The following TSNARE1 variants were observed in gnomAD, a reference collection of about 807,000 sequenced individuals.
The protein encoded by TSNARE1 is t-SNARE domain containing 1, also known as t-SNARE domain-containing protein 1.
Under a neutral mutation model 62.0 loss-of-function variants are expected in TSNARE1, and 49 were observed. The observed-to-expected ratio is 0.79, with a 90% CI of 0.63 to 1.00. The LOEUF is 1.00. Ranked by LOEUF, TSNARE1 falls within the 50% of genes least tolerant of loss-of-function variation. TSNARE1 has a pLI of 0.00. For missense variants in TSNARE1, 755 were observed against 700.1 expected (o/e 1.08, Z -0.88); for synonymous variants, 328 against 294.4 (o/e 1.11, Z -1.17).
chr8:142,272,558 T>G (rs1452006576), intron 12 of TSNARE1: 2 of 497,466 alleles, frequency 4.0e-6, no homozygotes, highest in African/African-American at 1.8e-4. Context: ...TACACCTTCC[T>G]TCCATCCACC....
chr8:142,329,222 G>T (rs996500501), intron 6 of TSNARE1, among the ~76,000 whole-genome samples: 6 of 152,224 alleles, frequency 3.9e-5, no homozygotes, highest in African/African-American at 1.2e-4. Flanking sequence ...GCCATGCAGG[G>T]AGGGTCAGAA....
In TSNARE1 at chr8:142,276,628, C is replaced by T. The variant is rs371089664; in HGVS notation, c.1364-1765G>A. The T allele has an allele frequency of 5.4e-5, 53 of 985,300 alleles. No homozygotes were observed. The African/African-American group carries it at 6.6e-4, about 12-fold the overall frequency. 61.0% of individuals were successfully genotyped at this position (985,300 alleles called of 1,614,324 possible). On this transcript the variant is annotated intron_variant, in intron 11 of 13. Coordinates refer to ENST00000524325, the MANE Select transcript of TSNARE1 (RefSeq NM_145003.5). ...CCCTGGCTGGACACTTTCTCTGCCC[C>T]GTGACCACACGCAGCCTCAGCCAAG...
chr8:142,289,256 CCT>C (rs930173639), intron 10 of TSNARE1, among the ~76,000 whole-genome samples: 1 of 152,208 alleles, frequency 6.6e-6, no homozygotes, highest in African/African-American at 2.4e-5. Flanking sequence ...TTAAGAAACC[CCT>C]GAGCCTTCTT....
At chr8:142,271,583 G>A in intron 12 of TSNARE1, 1 of 1,422,624 alleles carries the variant, frequency 7.0e-7, no homozygotes, top group East Asian at 2.9e-5. Flanking sequence ...GGAGGTGGGT[G>A]CGTGGAAGAC....
At chr8:142,352,541 T>C (rs1834233989) in intron 2 of TSNARE1, among the ~76,000 whole-genome samples, 1 of 152,242 alleles carries the variant, frequency 6.6e-6, no homozygotes. Context: ...TTAGCATCCC[T>C]GAGATGCGGA....
At chr8:142,246,753 G>A (rs1817901867) in intron 12 of TSNARE1, among the ~76,000 whole-genome samples, 1 of 152,220 alleles carries the variant, frequency 6.6e-6, no homozygotes, top group African/African-American at 2.4e-5. Flanking sequence ...AGGCCGCAGA[G>A]GCTGGCCTGA....
chr8:142,275,190 T>C, intron 11 of TSNARE1: 1 of 985,324 alleles, frequency 1.0e-6, no homozygotes, highest in South Asian at 4.7e-5. Flanking sequence ...TCCTGCTCTG[T>C]CATGACCTTG....
At chr8:142,276,795 T>G (rs1820576387) in intron 11 of TSNARE1, 2 of 985,376 alleles carry the variant, frequency 2.0e-6, no homozygotes, top group Middle Eastern at 5.2e-4. Context: ...CAGGGCTGCA[T>G]GCACCGGCCA....
At chr8:142,304,719 G>A (rs1826373771) in intron 9 of TSNARE1, among the ~76,000 whole-genome samples, 1 of 152,258 alleles carries the variant, frequency 6.6e-6, no homozygotes, top group Non-Finnish European at 1.5e-5. Context: ...ATGCAAGGCT[G>A]CAGCATACAG....
At position 142,346,766 on chromosome 8, in the gene TSNARE1, T is replaced by C. The variant is rs566788950; in HGVS notation, c.89-874A>G. Among the ~76,000 whole-genome samples, 74 of 152,336 alleles carry C rather than the reference T, an allele frequency of 4.9e-4. 3 individuals carry two copies. The highest frequency in any genetic ancestry group is 1.7e-3 in the African/African-American group (72 of 41,582). ...CACAGTGGGTCCCAGGGCTGCATCC[T>C]TGAGCCAAGCGCCTGAAGCAGCAGC... On this transcript the variant is annotated intron_variant, in intron 2 of 13. Transcript: ENST00000524325.
chr8:142,374,248 T>C (rs565156723), intron 1 of TSNARE1, among the ~76,000 whole-genome samples: 232 of 150,742 alleles, frequency 1.5e-3, no homozygotes, highest in African/African-American at 5.4e-3. Context: ...GAGGTTGCAG[T>C]GAGCCGAGAT....
At chr8:142,358,322 G>A (rs1418097511) in intron 1 of TSNARE1, among the ~76,000 whole-genome samples, 1 of 152,086 alleles carries the variant, frequency 6.6e-6, no homozygotes. Flanking sequence ...GGCAGGGTCT[G>A]CTAGGTTTCA....
At chr8:142,332,207 A>C (rs1489452670) in intron 4 of TSNARE1, among the ~76,000 whole-genome samples, 1 of 152,240 alleles carries the variant, frequency 6.6e-6, no homozygotes, top group African/African-American at 2.4e-5. Context: ...GAAGCAACAG[A>C]AACAAGGTCC....
intron 12 of TSNARE1, among the ~76,000 whole-genome samples, chr8:142,256,795 C>A (rs1455367626): frequency 6.6e-6 from 1 of 152,214 alleles, no homozygotes; most frequent in Admixed American, 6.5e-5. Context: ...CCGGGTTCTG[C>A]CTGACTCTGG....
intron 12 of TSNARE1, among the ~76,000 whole-genome samples, chr8:142,266,809 G>C (rs1360865113): frequency 1.3e-5 from 2 of 152,116 alleles, no homozygotes; most frequent in African/African-American, 4.8e-5. Context: ...GGGACTCCAA[G>C]ACGACATATG....
chr8:142,260,682 G>A (rs1031811880), intron 12 of TSNARE1, among the ~76,000 whole-genome samples: 2 of 152,024 alleles, frequency 1.3e-5, no homozygotes, highest in African/African-American at 4.8e-5. Flanking sequence ...TGAGTCCCCC[G>A]GGAAAGATCC....
At chr8:142,259,558 T>A (rs1224502893) in intron 12 of TSNARE1, among the ~76,000 whole-genome samples, 3 of 152,248 alleles carry the variant, frequency 2.0e-5, no homozygotes, top group African/African-American at 7.2e-5. Flanking sequence ...CAGTGTTCTC[T>A]GTACCCGCGG....
intron 11 of TSNARE1, chr8:142,277,800 G>A (rs774409102): frequency 6.2e-5 from 61 of 985,250 alleles, no homozygotes; most frequent in Non-Finnish European, 7.2e-5. Flanking sequence ...CTAGGGCAGG[G>A]AACCACAGGG....
At chr8:142,378,390 G>C (rs1836495505) in intron 1 of TSNARE1, among the ~76,000 whole-genome samples, 1 of 152,202 alleles carries the variant, frequency 6.6e-6, no homozygotes, top group South Asian at 2.1e-4. Context: ...ACTCTCTTGG[G>C]GTGGAAGATC....
Sources: allele counts gnomAD v4.1 joint callset (sites outside exome capture counted in the v4.1 genomes callset), GRCh38; gene constraint gnomAD v4.1.1; transcripts MANE v1.5; gene names NCBI Gene and HGNC (gene_info 2026-07-23, HGNC 2026-07-21).